The following TIA1 variants were observed in gnomAD, a reference collection of about 807,000 sequenced individuals.
TIA1 encodes the protein cytotoxic granule associated RNA binding protein TIA1.
Under a neutral mutation model 65.9 loss-of-function variants are expected in TIA1, and 23 were observed. The ratio of observed to expected loss-of-function variants is 0.35; its 90% CI spans 0.25 to 0.49. The LOEUF (loss-of-function observed/expected upper bound fraction) is 0.49, where lower values mean the gene tolerates loss of function less well. Among genes scored for constraint, TIA1 ranks in the 20% least tolerant of loss-of-function variants. The pLI is 0.98. For synonymous variants in TIA1, 147 were observed against 149.4 expected, an observed-to-expected ratio of 0.98 and a Z score of 0.12; for missense variants, 371 against 477.9, an observed-to-expected ratio of 0.78 and a Z score of 2.09.
At chr2:70,217,683 C>T (rs2103981507) in intron 7 of TIA1, among the ~76,000 whole-genome samples, 2 of 152,308 alleles carry the variant, frequency 1.3e-5, no homozygotes, top group South Asian at 4.1e-4. Context: ...AGGCGTGAGC[C>T]ACTGTGCCCG....
intron 11 of TIA1, 132 bp downstream of exon 11, chr2:70,215,239 A>T: frequency 3.5e-6 from 4 of 1,141,090 alleles, no homozygotes; most frequent in Non-Finnish European, 5.0e-6. Context: ...TGGAACTATA[A>T]TACATGTAGG....
chr2:70,245,143 C>T (rs1693731658), intron 1 of TIA1, among the ~76,000 whole-genome samples: 1 of 152,156 alleles, frequency 6.6e-6, no homozygotes, highest in East Asian at 1.9e-4. Flanking sequence ...TGTGTCACCA[C>T]ACCTAGCTAA....
At chr2:70,223,532 C>T (rs1412537365) in intron 7 of TIA1, among the ~76,000 whole-genome samples, 1 of 152,010 alleles carries the variant, frequency 6.6e-6, no homozygotes, top group Non-Finnish European at 1.5e-5. Flanking sequence ...AGTGATCCTC[C>T]CGCCTCAGCC....
Position 70,212,723 on chromosome 2 carries a change from T to G in TIA1, c.1157A>C (p.Gln386Pro), listed in dbSNP as rs199700349. ...TTTAGATTCTGGAGTCCTTATTCAC[T>G]GGGTTTCATACCCTGCCACTCGATA... ...SGYRVAGYET[Q>P] Residue 386 changes from glutamine (Q) to proline (P), a missense_variant, in exon 13 of 13, where the codon CAG becomes CCG. Gln to Pro is a moderately conservative substitution (Grantham distance 76). Transcript: ENST00000433529. 9 of 1,605,082 alleles carry G rather than the reference T, an allele frequency of 5.6e-6. No homozygotes were observed. The Admixed American group carries it at 1.5e-4, about 27-fold the overall frequency.
intron 7 of TIA1, among the ~76,000 whole-genome samples, chr2:70,219,128 G>A (rs1229947093): frequency 6.6e-6 from 1 of 152,184 alleles, no homozygotes; most frequent in Non-Finnish European, 1.5e-5. Context: ...CAGAGAAGTA[G>A]ACTGAAGATA....
rs1300880847 is a variant in TIA1, at chr2:70,223,871, CG to C, written c.474+682del. 3.9e-5 allele frequency among the ~76,000 whole-genome samples: 6 copies of C among 152,082 alleles called. No homozygotes were observed. The East Asian group carries it at 5.8e-4, about 15-fold the overall frequency. On this transcript the variant is annotated intron_variant, in intron 7 of 12. Transcript: ENST00000433529. Reference sequence around the variant, plus strand: ...GGTTATAGGCATAAACCACTGTGCCCGGGTAATATTTAATTTTTTAAAAAGT... The same window carrying C: ...GGTTATAGGCATAAACCACTGTGCCCGGTAATATTTAATTTTTTAAAAAGT...
chr2:70,214,727 T>C (rs1444364502), intron 11 of TIA1, among the ~76,000 whole-genome samples: 1 of 152,042 alleles, frequency 6.6e-6, no homozygotes, highest in Admixed American at 6.6e-5. Flanking sequence ...AATGGCATAG[T>C]TTTTGGAAGG....
At chr2:70,215,877 T>C (rs566989127) in intron 10 of TIA1, among the ~76,000 whole-genome samples, 20 of 152,178 alleles carry the variant, frequency 1.3e-4, no homozygotes, top group Admixed American at 5.9e-4. Context: ...GCCTCCCGAG[T>C]AGCTGTGATT....
rs933237378 is a variant in TIA1, at chr2:70,211,031, G to A, written c.*1688C>T. On this transcript the variant is annotated 3_prime_UTR_variant, in exon 13 of 13. Coordinates refer to ENST00000433529, the MANE Select transcript of TIA1 (RefSeq NM_022173.4). Reference sequence around the variant, plus strand: ...AGCTTGGAGTCATTTGCCCCTACCCGGGAAATGCAGGCCAGGAAACTTAAG... The same window carrying A: ...AGCTTGGAGTCATTTGCCCCTACCCAGGAAATGCAGGCCAGGAAACTTAAG... The A allele has an allele frequency of 6.6e-6, 1 of 152,108 alleles. No homozygotes were observed. Among genetic ancestry groups the A allele is most frequent in the African/African-American group, 2.4e-5 (1 of 41,426 alleles). The allele number at this position is 152,108 out of a possible 1,614,324, so 9.4% of individuals were successfully genotyped here.
intron 2 of TIA1, among the ~76,000 whole-genome samples, chr2:70,232,987 C>T (rs1269162269): frequency 1.3e-5 from 2 of 152,072 alleles, no homozygotes; most frequent in Non-Finnish European, 1.5e-5. Context: ...CCAATTTTTA[C>T]ACCTACAGTG....
chr2:70,229,728 CAGG>C, intron 3 of TIA1, among the ~76,000 whole-genome samples: 1 of 152,214 alleles, frequency 6.6e-6, no homozygotes, highest in South Asian at 2.1e-4. Flanking sequence ...CACCTGAGGT[CAGG>C]AGTTCAAGAC....
chr2:70,216,365 A>T (rs778044270), intron 9 of TIA1, 39 bp downstream of exon 9: 2 of 1,591,598 alleles, frequency 1.3e-6, no homozygotes, highest in South Asian at 2.3e-5. Context: ...TAAGCTTTGC[A>T]CTTTAAAAAT....
At chr2:70,213,376 T>C (rs1197708478) in intron 12 of TIA1, among the ~76,000 whole-genome samples, 3 of 151,622 alleles carry the variant, frequency 2.0e-5, no homozygotes, top group Non-Finnish European at 4.4e-5. Context: ...CAGGTTTTCA[T>C]TGTGTCACCC....
At position 70,229,277 on chromosome 2, in the gene TIA1, C is replaced by T. The variant is rs759837164; in HGVS notation, c.264G>A (p.Lys88=). 1.2e-6 allele frequency: 2 copies of T among 1,613,572 alleles called. No individual in the cohort carries two copies. Among genetic ancestry groups the T allele is most frequent in the Admixed American group, 1.7e-5 (1 of 59,972 alleles). ...VNWATTPSSQ[K]KDTSSSTVVS... The stretch of plus-strand genomic sequence containing the variant: ...AAATATACTTACTGCTTGTATCTTT[C>T]TTTTGACTGCTAGGGGTTGTTGCCC... Residue 88 remains lysine (K), a synonymous_variant, in exon 4 of 13, where the codon AAG becomes AAA. Coordinates refer to ENST00000433529, the MANE Select transcript of TIA1 (RefSeq NM_022173.4).
intron 9 of TIA1, 40 bp downstream of exon 9, chr2:70,216,364 C>T (rs370845139): frequency 1.1e-5 from 17 of 1,590,246 alleles, no homozygotes; most frequent in Middle Eastern, 1.7e-4. Flanking sequence ...TTAAGCTTTG[C>T]ACTTTAAAAA....
intron 1 of TIA1, among the ~76,000 whole-genome samples, chr2:70,238,227 TTAC>T (rs1026257620): frequency 1.3e-5 from 2 of 150,982 alleles, no homozygotes; most frequent in African/African-American, 4.9e-5. Flanking sequence ...TTCTATGGTA[TTAC>T]TACTACTAAG....
At position 70,220,134 on chromosome 2, in the gene TIA1, G is replaced by C. The variant is rs529198593; in HGVS notation, c.475-3140C>G. Among the ~76,000 whole-genome samples, 114 of 152,222 alleles carry C rather than the reference G, an allele frequency of 7.5e-4. 1 individual carries two copies. Among genetic ancestry groups the C allele is most frequent in the African/African-American group, 2.6e-3 (109 of 41,534 alleles). On this transcript the variant is annotated intron_variant, in intron 7 of 12. Coordinates refer to ENST00000433529, the MANE Select transcript of TIA1 (RefSeq NM_022173.4). ...CTCATAAGAAGTAAAGATCAGACTG[G>C]GCACGGTGGCTCACACTTATAATCC... is the stretch of plus-strand genomic sequence containing the variant.
intron 8 of TIA1, 106 bp from the exon 9 acceptor site, chr2:70,216,605 A>G (rs1678736090): frequency 7.6e-7 from 1 of 1,314,928 alleles, no homozygotes; most frequent in South Asian, 1.4e-5. Flanking sequence ...ACCTTGATCA[A>G]AATGCTTATA....
chr2:70,242,117 A>G (rs1487085002), intron 1 of TIA1, among the ~76,000 whole-genome samples: 1 of 152,114 alleles, frequency 6.6e-6, no homozygotes, highest in African/African-American at 2.4e-5. Context: ...ACATTAAGGG[A>G]TGCTAGATGA....
Sources: gnomAD v4.1 joint callset for allele counts (sites outside exome capture counted in the v4.1 genomes callset) on GRCh38, gnomAD v4.1.1 for gene constraint, MANE v1.5 for transcripts, NCBI Gene and HGNC (gene_info 2026-07-23, HGNC 2026-07-21) for gene names.